Variants in AKNA observed in about 807,000 individuals in gnomAD.
The protein encoded by AKNA is microtubule organization protein AKNA.
In AKNA, 67 loss-of-function variants were observed where a neutral mutation model predicts 138.8. That is an observed-to-expected ratio of 0.48 (90% CI 0.40 to 0.59). The LOEUF (loss-of-function observed/expected upper bound fraction) is 0.59, where lower values mean the gene tolerates loss of function less well. AKNA is among the 20% of genes least tolerant of loss of function. AKNA has a pLI of 0.00. For missense variants in AKNA, 1,813 were observed against 1,880.4 expected, an observed-to-expected ratio of 0.96 and a Z score of 0.66; for synonymous variants, 737 against 754.4, an observed-to-expected ratio of 0.98 and a Z score of 0.38.
intron 2 of AKNA, among the ~76,000 whole-genome samples, chr9:114,377,956 G>A (rs372940733): frequency 7.6e-4 from 115 of 152,210 alleles, no homozygotes; most frequent in Non-Finnish European, 1.3e-3. Flanking sequence ...ACCTTAGCTC[G>A]CGTCCCATCC....
rs747534212 is a variant in AKNA, at chr9:114,376,503, G to A, written c.1304C>T (p.Thr435Met). The stretch of plus-strand genomic sequence containing the variant: ...GACCAGCTCAGTGGCTTGCTCAGGC[G>A]TCTGAAATTCTTGGGGTACCCTGGT... ...PITRVPQEFQ[T>M]PEQATELVHQ... The change falls in exon 3 of 22, where the codon ACG (threonine) becomes ATG (methionine). Residue 435 changes from threonine to methionine, a missense_variant. Coordinates refer to ENST00000374088, the MANE Select transcript of AKNA (RefSeq NM_001317950.2). 3.2e-5 allele frequency: 52 copies of A among 1,613,772 alleles called. No homozygotes were observed. The highest frequency in any genetic ancestry group is 4.1e-5 in the Non-Finnish European group (48 of 1,179,950).
At chr9:114,354,318 T>G (rs7858478) in intron 14 of AKNA, among the ~76,000 whole-genome samples, 63,670 of 152,014 alleles carry the variant, frequency 0.42, 15,344 homozygotes, top group South Asian at 0.59. Context: ...GTCTTCTACC[T>G]CCACATCTTG....
At position 114,356,024 on chromosome 9, in the gene AKNA, G is replaced by T. The variant is rs1831477902; in HGVS notation, c.2959C>A (p.Pro987Thr). ...AGGTACCTCTGTGCTTGGCTCCGGG[G>T]TGTGCTGGGCTCTGTGGCTCTTCTG... Reference protein sequence around the residue: ...IPRRATEPSTPRSQAQRYLSS... With the variant: ...IPRRATEPSTTRSQAQRYLSS... The change falls in exon 14 of 22, where the codon CCC (proline) becomes ACC (threonine). Residue 987 changes from proline to threonine, a missense_variant. Coordinates refer to ENST00000374088, the MANE Select transcript of AKNA (RefSeq NM_001317950.2). 4.3e-6 allele frequency: 7 copies of T among 1,614,088 alleles called. No homozygotes were observed. The highest frequency in any genetic ancestry group is 5.9e-6 in the Non-Finnish European group (7 of 1,180,050).
downstream of AKNA, chr9:114,330,538 G>T (rs771752640): frequency 6.2e-7 from 1 of 1,612,580 alleles, no homozygotes; most frequent in Non-Finnish European, 8.5e-7. Flanking sequence ...CCCCCAACAA[G>T]ACAGAGGACA....
chr9:114,380,851 C>T (rs912399589), intron 2 of AKNA, among the ~76,000 whole-genome samples: 2 of 150,992 alleles, frequency 1.3e-5, no homozygotes, highest in Non-Finnish European at 2.9e-5. Context: ...GGCATGGTGG[C>T]GCATGCCTGT....
chr9:114,356,001 G>A lies in AKNA; in HGVS notation c.2982C>T (p.Tyr994=). 6.2e-7 allele frequency: 1 copy of A among 1,614,210 alleles called. No individual in the cohort carries two copies. Among genetic ancestry groups the A allele is most frequent in the Non-Finnish European group, 8.5e-7 (1 of 1,180,040 alleles). ...GGAGAGGCCCACTTGGGCTGGAGAG[G>A]TACCTCTGTGCTTGGCTCCGGGGTG... is the stretch of plus-strand genomic sequence containing the variant. ...PSTPRSQAQR[Y]LSSPSGPLRQ... The change falls in exon 14 of 22, where the codon TAC becomes TAT. Residue 994 remains tyrosine (Y), a synonymous_variant. Coordinates refer to ENST00000374088, the MANE Select transcript of AKNA (RefSeq NM_001317950.2).
At chr9:114,332,601 T>A (rs1412717558), downstream of AKNA, among the ~76,000 whole-genome samples, 1 of 152,038 alleles carries the variant, frequency 6.6e-6, no homozygotes, top group Non-Finnish European at 1.5e-5. Context: ...GGATGTGAAC[T>A]ACCTCCTGCC....
intron 1 of AKNA, among the ~76,000 whole-genome samples, chr9:114,385,958 TAG>T (rs1192867168): frequency 1.3e-5 from 2 of 152,054 alleles, no homozygotes; most frequent in Non-Finnish European, 2.9e-5. Flanking sequence ...CACTGTAAAA[TAG>T]AGAAAGTACC....
Position 114,357,267 on chromosome 9 carries a change from G to T in AKNA, c.2740-298C>A, listed in dbSNP as rs183195353. ...AGGCCATGGACAAGGACTAGCAAGGGGAGAGGGAGAAAGCCTTATTTCCAG... is the reference window on the plus strand; with the variant it reads ...AGGCCATGGACAAGGACTAGCAAGGTGAGAGGGAGAAAGCCTTATTTCCAG... On this transcript the variant is annotated intron_variant, in intron 12 of 21. Coordinates refer to ENST00000374088, the MANE Select transcript of AKNA (RefSeq NM_001317950.2). 2.5e-4 allele frequency among the ~76,000 whole-genome samples: 38 copies of T among 152,354 alleles called. No homozygotes were observed. The Middle Eastern group carries it at 0.01, about 41-fold the overall frequency.
chr9:114,362,466 T>G lies in AKNA; in HGVS notation c.1856A>C (p.Gln619Pro). Reference sequence around the variant, plus strand: ...GCCGGCAAGCGGCTGGGCAGGGTGTTGCTCCCGACAAGCCTTCAGGTACTC... The same window carrying G: ...GCCGGCAAGCGGCTGGGCAGGGTGTGGCTCCCGACAAGCCTTCAGGTACTC... ...EEEYLKACREQHPAQPLAGSK... is the reference protein window; with the variant it reads ...EEEYLKACREPHPAQPLAGSK... Residue 619 changes from glutamine (Q) to proline (P), a missense_variant, in exon 8 of 22, where the codon CAA becomes CCA. Physicochemically the swap from Gln to Pro is moderately conservative, Grantham distance 76 (BLOSUM62 -1). Coordinates refer to ENST00000374088, the MANE Select transcript of AKNA (RefSeq NM_001317950.2). 1 of 1,613,230 alleles carries G rather than the reference T, an allele frequency of 6.2e-7. No individual in the cohort carries two copies. Among genetic ancestry groups the G allele is most frequent in the South Asian group, 1.1e-5 (1 of 90,882 alleles).
chr9:114,336,800 C>T lies in AKNA; in HGVS notation c.*254G>A, dbSNP rs1463420611. The T allele has an allele frequency of 7.1e-5, 30 of 420,496 alleles. No homozygotes were observed. Among genetic ancestry groups the T allele is most frequent in the Non-Finnish European group, 1.0e-4 (24 of 239,964 alleles). The allele number at this position is 420,496 out of a possible 1,614,324, so 26.0% of individuals were successfully genotyped here. The stretch of plus-strand genomic sequence containing the variant: ...AGACTGCCTGAGGTTCTGCCTGGAC[C>T]GAAGGAGGCCTCGCTCACAGCACCT... On this transcript the variant is annotated 3_prime_UTR_variant, in exon 22 of 22. Transcript: ENST00000374088.
Position 114,381,298 on chromosome 9 carries a change from C to G in AKNA, c.36G>C (p.Glu12Asp), listed in dbSNP as rs1184532322. The G allele has an allele frequency of 1.9e-6, 3 of 1,608,330 alleles. No individual in the cohort carries two copies. In the East Asian group the frequency reaches 6.7e-5, roughly 36 times the overall value. ...GCTGGGGGCCCTTCCCCAGGCCAGG[C>G]TCAGCCCAGCGGATCTCAGTCTCCG... Reference protein sequence around the residue: ...ASSETEIRWAEPGLGKGPQRR... With the variant: ...ASSETEIRWADPGLGKGPQRR... Residue 12 changes from glutamate to aspartate, a missense_variant, in exon 2 of 22, where the codon GAG (glutamate) becomes GAC (aspartate). Transcript: ENST00000374088.
At chr9:114,359,220 C>CT (rs879499300) in intron 11 of AKNA, 12,136 of 284,598 alleles carry the variant, frequency 0.043, 1,285 homozygotes, top group African/African-American at 0.24. Context: ...AGGCGTGTAC[C>CT]ACCATGCCTG....
In AKNA at chr9:114,343,741, G is replaced by A; in HGVS notation, c.3724C>T (p.Pro1242Ser). 5 of 1,614,214 alleles carry A rather than the reference G, an allele frequency of 3.1e-6. No individual in the cohort carries two copies. Among genetic ancestry groups the A allele is most frequent in the Non-Finnish European group, 4.2e-6 (5 of 1,180,026 alleles). Residue 1242 changes from proline to serine, a missense_variant, in exon 19 of 22, where the codon CCC (proline) becomes TCC (serine). Transcript: ENST00000374088. ...TGGGTCCTAATGGGCCGGCAGTGGG[G>A]ACAGGAGACTGTGCCATTGCCTTTT... Reference protein sequence around the residue: ...VPKGNGTVSCPHCRPIRTQDA... With the variant: ...VPKGNGTVSCSHCRPIRTQDA...
rs1265891 is a variant in AKNA at position 114,347,832 on chromosome 9, T to C, written c.3290A>G (p.Gln1097Arg). 59,006 of 1,550,676 alleles carry C rather than the reference T, an allele frequency of 0.038. 14,614 individuals carry two copies. The African/African-American group carries it at 0.61, about 16-fold the overall frequency. ...LRLRLEDSLH[Q>R]PLQGSPTRPA... ...GCGTGTCGGGCTGCCCTGGAGTGGC[T>C]GGTGCAGGCTGTCTTCCAGCCGCAG... Residue 1097 changes from glutamine (Q) to arginine (R), a missense_variant, in exon 16 of 22, where the codon CAG becomes CGG. Gln to Arg is a conservative substitution (Grantham distance 43, BLOSUM62 1). Coordinates refer to ENST00000374088, the MANE Select transcript of AKNA (RefSeq NM_001317950.2).
intron 1 of AKNA, 66 bp from the exon 2 acceptor site, chr9:114,381,512 A>T: frequency 7.8e-7 from 1 of 1,286,404 alleles, no homozygotes; most frequent in Non-Finnish European, 9.8e-7. Context: ...TCGGAACAAG[A>T]AGTTACCAGC....
At position 114,386,453 on chromosome 9, in the gene AKNA, C is replaced by A. The variant is rs552195983; in HGVS notation, c.-114+1407G>T. Among the ~76,000 whole-genome samples the A allele has an allele frequency of 3.9e-5, 6 of 152,132 alleles. No homozygotes were observed. In the East Asian group the frequency reaches 1.2e-3, roughly 29 times the overall value. On this transcript the variant is annotated intron_variant, in intron 1 of 21. Coordinates refer to ENST00000374088, the MANE Select transcript of AKNA (RefSeq NM_001317950.2). ...TTGAAGGAGAGCTATGGGCAGGTGTCCCTGCATGCCAGATAAAGGCAGAGT... is the reference window on the plus strand; with the variant it reads ...TTGAAGGAGAGCTATGGGCAGGTGTACCTGCATGCCAGATAAAGGCAGAGT...
At chr9:114,338,285 G>A (rs1188294773) in intron 21 of AKNA, among the ~76,000 whole-genome samples, 2 of 152,180 alleles carry the variant, frequency 1.3e-5, no homozygotes, top group South Asian at 2.1e-4. Flanking sequence ...TGGACAATAC[G>A]TACATGAAAA....
At position 114,359,896 on chromosome 9, in the gene AKNA, C is replaced by T. The variant is rs761352702; in HGVS notation, c.2291G>A (p.Arg764Gln). 9.3e-6 allele frequency: 15 copies of T among 1,614,080 alleles called. No homozygotes were observed. The highest frequency in any genetic ancestry group is 4.5e-5 in the East Asian group (2 of 44,894). ...CTGGTCAGGTCCAGGTGGCACTCAC[C>T]GCTCCATGAGGCCATGGTAAACTTG... ...MEQVYHGLMERYLSVKSLPEA... is the reference protein window; with the variant it reads ...MEQVYHGLMEQYLSVKSLPEA... Residue 764 changes from arginine to glutamine, a missense_variant and splice_region_variant, in exon 10 of 22, where the codon CGG becomes CAG. Arg to Gln is a conservative substitution (Grantham distance 43, BLOSUM62 1). Coordinates refer to ENST00000374088, the MANE Select transcript of AKNA (RefSeq NM_001317950.2).
Sources: gnomAD v4.1 joint callset for allele counts (sites outside exome capture counted in the v4.1 genomes callset) on GRCh38, gnomAD v4.1.1 for gene constraint, MANE v1.5 for transcripts, NCBI Gene and HGNC (gene_info 2026-07-23, HGNC 2026-07-21) for gene names.